CCNJL: variants seen among roughly 807,000 people sequenced by gnomAD.
CCNJL encodes cyclin J like.
Under a neutral mutation model 33.4 loss-of-function variants are expected in CCNJL, and 33 were observed. That is an observed-to-expected ratio of 0.99 (90% CI 0.75 to 1.32). The LOEUF (loss-of-function observed/expected upper bound fraction) is 1.32, where lower values mean the gene tolerates loss of function less well. CCNJL is among the 40% of genes most tolerant of loss of function. The probability of loss-of-function intolerance (pLI) is 0.00; values close to 1 mark genes in which losing one functional copy is unlikely to be tolerated. For synonymous variants in CCNJL, 227 were observed against 220.9 expected, an observed-to-expected ratio of 1.03 and a Z score of -0.24; for missense variants, 512 against 499.7, an observed-to-expected ratio of 1.02 and a Z score of -0.23.
In CCNJL at chr5:160,336,350, T is replaced by C. The variant is rs182583992; in HGVS notation, n.206+3095A>G. 5.6e-4 allele frequency among the ~76,000 whole-genome samples: 86 copies of C among 152,282 alleles called. 1 individual carries two copies. The highest frequency in any genetic ancestry group is 3.4e-4 in the Non-Finnish European group (23 of 68,010). On this transcript the variant is annotated intron_variant and non_coding_transcript_variant, in intron 1 of 7. Transcript: ENST00000377503. ...CCTAAGTCAAATAGAAGTGTTCTTATAAGACACAAAGAGAGGAGAACCACT... is the reference window on the plus strand; with the variant it reads ...CCTAAGTCAAATAGAAGTGTTCTTACAAGACACAAAGAGAGGAGAACCACT...
chr5:160,262,568 G>T (rs1319541241), intron 3 of CCNJL, among the ~76,000 whole-genome samples: 1 of 152,200 alleles, frequency 6.6e-6, no homozygotes, highest in Non-Finnish European at 1.5e-5. Flanking sequence ...AGAATGGAAA[G>T]TGCTTCACAA....
At position 160,257,347 on chromosome 5, in the gene CCNJL, C is replaced by T. The variant is rs1041304956; in HGVS notation, c.584-1639G>A. ...AAAATTAGCCAGGCGTGGTGGCGGG[C>T]GCCTGTAATCCCAGCTACTCGGGAG... On this transcript the variant is annotated intron_variant, in intron 4 of 5. Coordinates refer to ENST00000257536, the MANE Select transcript of CCNJL (RefSeq NM_001308173.3). Among the ~76,000 whole-genome samples the T allele has an allele frequency of 3.9e-5, 6 of 151,972 alleles. No homozygotes were observed. In the South Asian group the frequency reaches 8.3e-4, roughly 21 times the overall value.
intron 1 of CCNJL, among the ~76,000 whole-genome samples, chr5:160,330,737 A>C (rs184320357): frequency 1.3e-5 from 2 of 151,060 alleles, no homozygotes; most frequent in Admixed American, 6.6e-5. Context: ...GGTCTCGGCT[A>C]ACTGCAACCT....
chr5:160,305,804 G>T (rs142198716), intron 2 of CCNJL, among the ~76,000 whole-genome samples: 6 of 152,296 alleles, frequency 3.9e-5, no homozygotes, highest in Non-Finnish European at 8.8e-5. Context: ...CCAAAGTGAG[G>T]AGTAAATAAG....
intron 2 of CCNJL, among the ~76,000 whole-genome samples, chr5:160,302,266 TAGA>T (rs1396895257): frequency 6.6e-6 from 1 of 152,096 alleles, no homozygotes; most frequent in Non-Finnish European, 1.5e-5. Flanking sequence ...GAAAATGACA[TAGA>T]AGGTTATTTA....
At chr5:160,321,959 A>T (rs2113474046) in intron 1 of CCNJL, among the ~76,000 whole-genome samples, 1 of 152,332 alleles carries the variant, frequency 6.6e-6, no homozygotes, top group Admixed American at 6.5e-5. Flanking sequence ...GTCTTTGGCC[A>T]GGCACATAGG....
intron 5 of CCNJL, chr5:160,254,826 AC>A (rs1462350036): frequency 2.0e-5 from 3 of 153,468 alleles, no homozygotes; most frequent in African/African-American, 2.4e-5. Flanking sequence ...ATTCCCAGGG[AC>A]CCTTGCAGAG....
intron 1 of CCNJL, among the ~76,000 whole-genome samples, chr5:160,324,249 G>A (rs1489155885): frequency 6.6e-6 from 1 of 152,166 alleles, no homozygotes; most frequent in Non-Finnish European, 1.5e-5. Flanking sequence ...GTTAAAAAGT[G>A]GATTCTCACT....
chr5:160,257,891 A>G (rs1338491146), intron 4 of CCNJL, among the ~76,000 whole-genome samples: 1 of 151,276 alleles, frequency 6.6e-6, no homozygotes, highest in Non-Finnish European at 1.5e-5. Flanking sequence ...TTGTTGCCCA[A>G]GCTGGAGTTC....
intron 1 of CCNJL, among the ~76,000 whole-genome samples, chr5:160,318,173 TG>T (rs571561865): frequency 1.3e-4 from 20 of 152,240 alleles, no homozygotes; most frequent in African/African-American, 4.3e-4. Context: ...CGCACCACCA[TG>T]CCTGGCTAAT....
intron 4 of CCNJL, among the ~76,000 whole-genome samples, chr5:160,257,522 G>GT (rs2113223330): frequency 6.6e-6 from 1 of 151,398 alleles, no homozygotes; most frequent in East Asian, 2.0e-4. Context: ...ATAACCTTGG[G>GT]TAAGTTACAG....
chr5:160,294,426 G>A (rs372949884), intron 2 of CCNJL, among the ~76,000 whole-genome samples: 1 of 152,160 alleles, frequency 6.6e-6, no homozygotes, highest in South Asian at 2.1e-4. Context: ...CGCAGCCGGC[G>A]TCTGTACTAC....
At chr5:160,254,170 C>T (rs565366356) in intron 5 of CCNJL, 2 of 482,616 alleles carry the variant, frequency 4.1e-6, no homozygotes, top group African/African-American at 4.0e-5. Flanking sequence ...CTCACCAATG[C>T]CTTCCCATCC....
chr5:160,295,144 T>C (rs1186626750), intron 2 of CCNJL, among the ~76,000 whole-genome samples: 2 of 152,226 alleles, frequency 1.3e-5, no homozygotes, highest in Non-Finnish European at 2.9e-5. Context: ...CTGGGATGAA[T>C]AGTATTTCCC....
chr5:160,321,112 CT>C (rs1233909014), intron 1 of CCNJL, among the ~76,000 whole-genome samples: 1 of 147,132 alleles, frequency 6.8e-6, no homozygotes, highest in East Asian at 2.0e-4. Flanking sequence ...CTCTCTCTCT[CT>C]TTTTTTTCCA....
intron 2 of CCNJL, among the ~76,000 whole-genome samples, chr5:160,282,978 T>TAC (rs1362242839): frequency 1.0e-4 from 6 of 58,750 alleles, no homozygotes; most frequent in Non-Finnish European, 1.6e-4. Flanking sequence ...TATATATATA[T>TAC]ATATATATAT....
At position 160,285,100 on chromosome 5, in the gene CCNJL, G is replaced by A. The variant is rs953583290; in HGVS notation, c.67-4362C>T. Among the ~76,000 whole-genome samples the A allele has an allele frequency of 2.0e-5, 3 of 152,032 alleles. No individual in the cohort carries two copies. In the East Asian group the frequency reaches 5.8e-4, roughly 29 times the overall value. The stretch of plus-strand genomic sequence containing the variant: ...AGCTACCCAGAAGGCTGAGGGAGGA[G>A]AATCACTTGAACCTGGTAGGTGGAG... On this transcript the variant is annotated intron_variant, in intron 2 of 5. Coordinates refer to ENST00000257536, the MANE Select transcript of CCNJL (RefSeq NM_001308173.3).
At chr5:160,328,030 G>A (rs929868965) in intron 1 of CCNJL, among the ~76,000 whole-genome samples, 3 of 152,184 alleles carry the variant, frequency 2.0e-5, no homozygotes, top group South Asian at 2.1e-4. Context: ...GCCATGCCCC[G>A]GCTAGAGGAT....
intron 2 of CCNJL, among the ~76,000 whole-genome samples, chr5:160,285,496 G>C (rs186069773): frequency 3.8e-4 from 58 of 152,300 alleles, no homozygotes; most frequent in African/African-American, 1.3e-3. Context: ...GGATACAGAA[G>C]GTCCTGGCCA....
Sources: allele counts gnomAD v4.1 joint callset (sites outside exome capture counted in the v4.1 genomes callset), GRCh38; gene constraint gnomAD v4.1.1; transcripts MANE v1.5; gene names NCBI Gene and HGNC (gene_info 2026-07-23, HGNC 2026-07-21).